The following OCRL variants were observed in gnomAD, a reference collection of about 807,000 sequenced individuals.
OCRL encodes inositol polyphosphate 5-phosphatase OCRL.
Under a neutral mutation model 78.9 loss-of-function variants are expected in OCRL, and 8 were observed. The ratio of observed to expected loss-of-function variants is 0.10; its 90% CI spans 0.06 to 0.18. The LOEUF (loss-of-function observed/expected upper bound fraction) is 0.18, where lower values mean the gene tolerates loss of function less well. OCRL is among the 10% of genes least tolerant of loss of function. OCRL has a pLI of 1.00. For missense variants in OCRL, 454 were observed against 696.7 expected (o/e 0.65, Z 3.92); for synonymous variants, 240 against 235.4 (o/e 1.02, Z -0.18).
chrX:129,576,600 A>G (rs1414958454), intron 18 of OCRL, 48 bp downstream of exon 18: 4 of 954,177 alleles, frequency 4.2e-6, no homozygotes, highest in Non-Finnish European at 6.0e-6. Context: ...TAATTTTCAC[A>G]ATACTTAAGT....
chrX:129,584,323 CT>C lies in OCRL; in HGVS notation c.2116-17del. 8.3e-7 allele frequency: 1 copy of C among 1,201,524 alleles called. No homozygotes were observed. Among genetic ancestry groups the C allele is most frequent in the Non-Finnish European group, 1.1e-6 (1 of 886,271 alleles). ...TCATATTCTGTCTGTCAATGACTTTCTTTTCCTGCTCCGCTCTCAGGAAGAA... is the reference window on the plus strand; with the variant it reads ...TCATATTCTGTCTGTCAATGACTTTCTTTCCTGCTCCGCTCTCAGGAAGAA... On this transcript the variant is annotated intron_variant, in intron 18 of 23. Transcript: ENST00000371113.
intron 15 of OCRL, among the ~76,000 whole-genome samples, chrX:129,574,276 A>T (rs1452004042): frequency 8.9e-6 from 1 of 112,529 alleles, no homozygotes; most frequent in Non-Finnish European, 1.9e-5. Context: ...TCCTAGTCTA[A>T]AAAAGAAACC....
intron 18 of OCRL, among the ~76,000 whole-genome samples, chrX:129,581,874 T>TCTCTGC (rs1457321824): frequency 7.0e-5 from 7 of 100,008 alleles, no homozygotes; most frequent in Non-Finnish European, 1.2e-4. Context: ...TCTGTCTCTG[T>TCTCTGC]CTCTGCCCTT....
chrX:129,551,534 A>T (rs1433251013), intron 4 of OCRL, among the ~76,000 whole-genome samples: 1 of 111,672 alleles, frequency 9.0e-6, no homozygotes, highest in Non-Finnish European at 1.9e-5. Flanking sequence ...TTCCAGGTTC[A>T]CACCATTCTC....
At chrX:129,568,107 G>A (rs920524573) in intron 14 of OCRL, among the ~76,000 whole-genome samples, 3 of 108,871 alleles carry the variant, frequency 2.8e-5, no homozygotes, top group African/African-American at 6.7e-5. Context: ...TAGTAGAGAC[G>A]GGGTTTCACC....
At chrX:129,540,520 CGGGGGT>C in intron 1 of OCRL, 42 bp downstream of exon 1, 1 of 206,810 alleles carries the variant, frequency 4.8e-6, no homozygotes, top group Non-Finnish European at 7.8e-6. Flanking sequence ...CGCGCAGGGC[CGGGGGT>C]GGGGGTCGGG....
At chrX:129,547,148 G>C (rs1037284030) in intron 3 of OCRL, among the ~76,000 whole-genome samples, 4 of 111,455 alleles carry the variant, frequency 3.6e-5, no homozygotes, top group Non-Finnish European at 5.6e-5. Flanking sequence ...AGGGTTGCTT[G>C]AGCCCAGCAG....
At chrX:129,582,377 A>G (rs1323861295) in intron 18 of OCRL, among the ~76,000 whole-genome samples, 1 of 112,366 alleles carries the variant, frequency 8.9e-6, no homozygotes, top group African/African-American at 3.2e-5. Context: ...CTCATTTCTC[A>G]TTGCCTTCCC....
intron 10 of OCRL, 40 bp from the exon 11 acceptor site, chrX:129,562,344 G>C (rs755007800): frequency 6.1e-6 from 6 of 989,069 alleles, no homozygotes; most frequent in Non-Finnish European, 8.7e-6. Context: ...GCAAAGATTG[G>C]TATTAACATT....
intron 13 of OCRL, among the ~76,000 whole-genome samples, chrX:129,566,984 AT>A (rs769091382): frequency 1.4e-4 from 16 of 111,948 alleles, no homozygotes; most frequent in Non-Finnish European, 2.4e-4. Flanking sequence ...TTCAGATTTC[AT>A]TTTTCCATTT....
intron 22 of OCRL, chrX:129,589,639 C>T (rs1936561830): frequency 4.6e-6 from 2 of 436,165 alleles, no homozygotes; most frequent in African/African-American, 2.5e-5. Flanking sequence ...ATTGAGTGGA[C>T]AGGGACCAAA....
chrX:129,575,488 A>C (rs1936357446), intron 16 of OCRL, among the ~76,000 whole-genome samples: 1 of 111,976 alleles, frequency 8.9e-6, no homozygotes, highest in African/African-American at 3.2e-5. Flanking sequence ...GGATTACATG[A>C]GTTAATACAT....
intron 21 of OCRL, among the ~76,000 whole-genome samples, chrX:129,588,637 T>C (rs1205613057): frequency 2.7e-5 from 3 of 112,076 alleles, no homozygotes; most frequent in Non-Finnish European, 3.8e-5. Flanking sequence ...CAGTGTCAAC[T>C]GTCACTCTGC....
intron 6 of OCRL, 77 bp downstream of exon 6, chrX:129,558,027 A>T: frequency 1.6e-6 from 1 of 644,928 alleles, no homozygotes; most frequent in Admixed American, 2.2e-5. Flanking sequence ...AAATATGGTG[A>T]TGTAGATTAA....
At chrX:129,543,194 T>C (rs1935834318) in intron 2 of OCRL, among the ~76,000 whole-genome samples, 1 of 112,356 alleles carries the variant, frequency 8.9e-6, no homozygotes, top group Non-Finnish European at 1.9e-5. Flanking sequence ...TATTCTGAAA[T>C]GAATAATTAC....
intron 2 of OCRL, among the ~76,000 whole-genome samples, chrX:129,543,377 C>T: frequency 8.9e-6 from 1 of 112,888 alleles, no homozygotes. Context: ...TAATGTTCAA[C>T]ACCATTTCTT....
At chrX:129,583,083 G>C (rs1021886181) in intron 18 of OCRL, among the ~76,000 whole-genome samples, 1 of 111,735 alleles carries the variant, frequency 8.9e-6, no homozygotes, top group African/African-American at 3.2e-5. Flanking sequence ...ATCACCCATT[G>C]GTTTTAGGCT....
chrX:129,581,587 A>G (rs1936439272), intron 18 of OCRL, among the ~76,000 whole-genome samples: 2 of 109,647 alleles, frequency 1.8e-5, no homozygotes, highest in African/African-American at 3.3e-5. Flanking sequence ...TCAGTATTTA[A>G]TCAAAGTCCT....
chrX:129,540,565 A>G, intron 1 of OCRL, 87 bp downstream of exon 1: 1 of 1,029,131 alleles, frequency 9.7e-7, no homozygotes, highest in Non-Finnish European at 1.3e-6. Flanking sequence ...GGGGCGGGGC[A>G]ACCGGGTGGC....
Sources: gnomAD v4.1 joint callset for allele counts (sites outside exome capture counted in the v4.1 genomes callset) on GRCh38, gnomAD v4.1.1 for gene constraint, MANE v1.5 for transcripts, NCBI Gene and HGNC (gene_info 2026-07-23, HGNC 2026-07-21) for gene names.